Variants in STAG2 observed in about 807,000 individuals in gnomAD.
STAG2 encodes the protein cohesin subunit SA-2.
STAG2 carries 14 observed loss-of-function variants against 108.1 expected under a neutral mutation model. The ratio of observed to expected loss-of-function variants is 0.13; its 90% CI spans 0.09 to 0.20. The LOEUF (loss-of-function observed/expected upper bound fraction) is 0.20. Among genes scored for constraint, STAG2 ranks in the 10% least tolerant of loss-of-function variants. The pLI is 1.00. For synonymous variants in STAG2, 307 were observed against 302.7 expected (o/e 1.01, Z -0.15); for missense variants, 440 against 940.9 (o/e 0.47, Z 6.96).
At chrX:124,081,292 C>T (rs2058956142) in intron 27 of STAG2, 88 bp from the exon 28 acceptor site, 2 of 628,985 alleles carry the variant, frequency 3.2e-6, no homozygotes, top group Non-Finnish European at 2.3e-6. Context: ...TATTGAACAC[C>T]TGTATTTTAA....
chrX:123,990,913 A>G (rs1213058668), intron 1 of STAG2, among the ~76,000 whole-genome samples: 3 of 111,783 alleles, frequency 2.7e-5, no homozygotes, highest in Non-Finnish European at 5.6e-5. Flanking sequence ...CCCACTTGCC[A>G]GCATAACAGT....
chrX:123,989,829 C>T (rs1176683442), intron 1 of STAG2, among the ~76,000 whole-genome samples: 1 of 110,463 alleles, frequency 9.1e-6, no homozygotes, highest in Non-Finnish European at 1.9e-5. Flanking sequence ...GTCTTGAACT[C>T]CTGACCTTGT....
At chrX:124,079,367 C>T (rs2058890838) in intron 27 of STAG2, among the ~76,000 whole-genome samples, 1 of 111,722 alleles carries the variant, frequency 9.0e-6, no homozygotes, top group Non-Finnish European at 1.9e-5. Flanking sequence ...TCTCAATCTC[C>T]TGACCTCGTG....
chrX:124,067,448 AG>A (rs2058565342), intron 23 of STAG2, among the ~76,000 whole-genome samples: 1 of 110,216 alleles, frequency 9.1e-6, no homozygotes, highest in Non-Finnish European at 1.9e-5. Flanking sequence ...TTGCATTTTT[AG>A]TAGACATGGA....
rs2148227139 is a variant in STAG2 at position 124,051,207 on chromosome X, C to G, written c.1104C>G (p.Thr368=). ...KELNSKLELF[T]SRFKDRIVSM... The stretch of plus-strand genomic sequence containing the variant: ...TTAATTCCAAACTGGAACTTTTTAC[C>G]AGTCGGTTCAAGGTTAGTATTACTT... The change falls in exon 12 of 35, where the codon ACC becomes ACG. Residue 368 remains threonine (T), a synonymous_variant. Coordinates refer to ENST00000371145, the MANE Select transcript of STAG2 (RefSeq NM_001042750.2). 8.5e-7 allele frequency: 1 copy of G among 1,180,746 alleles called. No homozygotes were observed. The highest frequency in any genetic ancestry group is 3.0e-5 in the East Asian group (1 of 33,224).
intron 29 of STAG2, among the ~76,000 whole-genome samples, chrX:124,084,338 C>CTT (rs760000420): frequency 1.9e-5 from 2 of 103,154 alleles, no homozygotes; most frequent in East Asian, 6.0e-4. Flanking sequence ...AGTTCTGTAT[C>CTT]TTTTTTTTTT....
chrX:124,100,982 T>G lies in STAG2; in HGVS notation c.*385T>G. On this transcript the variant is annotated 3_prime_UTR_variant, in exon 35 of 35. Coordinates refer to ENST00000371145, the MANE Select transcript of STAG2 (RefSeq NM_001042750.2). The stretch of plus-strand genomic sequence containing the variant: ...CTGGTTGTACTAAATAATGATGACC[T>G]CTGCTGGATTTCTGTTTACATCCAG... 1 of 165,722 alleles carries G rather than the reference T, an allele frequency of 6.0e-6. No homozygotes were observed. Among genetic ancestry groups the G allele is most frequent in the Non-Finnish European group, 1.2e-5 (1 of 86,024 alleles). 13.7% of individuals were successfully genotyped at this position (165,722 alleles called of 1,213,427 possible).
chrX:123,970,404 G>A (rs1252829538), intron 1 of STAG2, among the ~76,000 whole-genome samples: 1 of 111,497 alleles, frequency 9.0e-6, no homozygotes, highest in East Asian at 2.8e-4. Context: ...TCTGAGTTCT[G>A]TAGTCAAGTC....
intron 34 of STAG2, among the ~76,000 whole-genome samples, chrX:124,096,844 G>A (rs1384970822): frequency 1.8e-5 from 2 of 111,650 alleles, no homozygotes; most frequent in Non-Finnish European, 3.8e-5. Flanking sequence ...ATAGCTTTTA[G>A]AACTATTTTG....
At chrX:124,002,193 G>T (rs1360023540) in intron 1 of STAG2, among the ~76,000 whole-genome samples, 1 of 111,837 alleles carries the variant, frequency 8.9e-6, no homozygotes, top group Admixed American at 9.5e-5. Context: ...CTGTAGTCTG[G>T]GCGACAGAGG....
At chrX:124,051,739 C>T (rs1029331588) in intron 13 of STAG2, among the ~76,000 whole-genome samples, 8 of 110,505 alleles carry the variant, frequency 7.2e-5, no homozygotes, top group Admixed American at 9.6e-5. Context: ...TACAGGCGCC[C>T]GCCACGACGC....
At chrX:124,056,806 A>G (rs1298484025) in intron 14 of STAG2, among the ~76,000 whole-genome samples, 3 of 107,494 alleles carry the variant, frequency 2.8e-5, no homozygotes, top group Non-Finnish European at 5.8e-5. Context: ...ATACCTAACT[A>G]TATTATAATA....
chrX:124,080,612 C>T (rs370909164), intron 27 of STAG2, among the ~76,000 whole-genome samples: 3 of 109,756 alleles, frequency 2.7e-5, no homozygotes, highest in African/African-American at 1.0e-4. Context: ...GGCGTGAACC[C>T]GGGAGGTGGA....
chrX:124,033,606 A>T (rs2057412328), intron 5 of STAG2, among the ~76,000 whole-genome samples: 1 of 111,026 alleles, frequency 9.0e-6, no homozygotes, highest in African/African-American at 3.3e-5. Flanking sequence ...TACTAAAAAT[A>T]AAAAAGTTAG....
Position 124,047,511 on chromosome X carries a change from CTT to C in STAG2, c.819+9_819+10del, listed in dbSNP as rs767250069. 8.3e-7 allele frequency: 1 copy of C among 1,200,815 alleles called. No individual in the cohort carries two copies. The highest frequency in any genetic ancestry group is 1.8e-5 in the South Asian group (1 of 55,054). On this transcript the variant is annotated splice_region_variant and intron_variant, in intron 9 of 34. Coordinates refer to ENST00000371145, the MANE Select transcript of STAG2 (RefSeq NM_001042750.2). ...TGCTACAAAAGCGGAAAGAGGTAAA[CTT>C]TTATATTGAATATTTAGGCTATTGT... is the stretch of plus-strand genomic sequence containing the variant.
At chrX:124,006,600 G>A (rs1363782057) in intron 1 of STAG2, among the ~76,000 whole-genome samples, 1 of 109,609 alleles carries the variant, frequency 9.1e-6, no homozygotes, top group East Asian at 2.9e-4. Flanking sequence ...CACCACGCCC[G>A]GCTAATTTTT....
chrX:123,969,943 G>A (rs1192841544), intron 1 of STAG2, among the ~76,000 whole-genome samples: 4 of 95,069 alleles, frequency 4.2e-5, no homozygotes, highest in Non-Finnish European at 8.2e-5. Context: ...CACCGCACCC[G>A]GTCTTCCTGT....
chrX:123,999,279 T>G (rs762596773), intron 1 of STAG2, among the ~76,000 whole-genome samples: 7 of 111,804 alleles, frequency 6.3e-5, no homozygotes, highest in African/African-American at 1.6e-4. Context: ...TCTTCCTTTT[T>G]TATTTAGCTC....
At position 124,067,321 on chromosome X, in the gene STAG2, T is replaced by C. The variant is rs190578614; in HGVS notation, c.2265+885T>C. Among the ~76,000 whole-genome samples, 606 of 79,424 alleles carry C rather than the reference T, an allele frequency of 7.6e-3. 5 individuals carry two copies. Among genetic ancestry groups the C allele is most frequent in the African/African-American group, 0.029 (568 of 19,405 alleles). 69.0% of individuals were successfully genotyped at this position (79,424 alleles called of 115,157 possible). On this transcript the variant is annotated intron_variant, in intron 23 of 34. Coordinates refer to ENST00000371145, the MANE Select transcript of STAG2 (RefSeq NM_001042750.2). ...TCTTGCTCTGTCATCCAGGCGGGAG[T>C]GTAGTGGTACAATCTCGGCTCACTG...
Sources: gnomAD v4.1 joint callset for allele counts (sites outside exome capture counted in the v4.1 genomes callset) on GRCh38, gnomAD v4.1.1 for gene constraint, MANE v1.5 for transcripts, NCBI Gene and HGNC (gene_info 2026-07-23, HGNC 2026-07-21) for gene names.